FAM177B: variants seen among roughly 807,000 people sequenced by gnomAD.
FAM177B encodes the protein protein FAM177B.
FAM177B carries 16 observed loss-of-function variants against 16.1 expected under a neutral mutation model. That is an observed-to-expected ratio of 0.99 (90% confidence interval 0.67 to 1.51). The LOEUF (loss-of-function observed/expected upper bound fraction) is 1.51. Ranked by LOEUF, FAM177B falls within the 40% of genes most tolerant of loss-of-function variation. The pLI is 0.00. For synonymous variants in FAM177B, 56 were observed against 59.9 expected (o/e 0.93, Z 0.30); for missense variants, 178 against 183.7 (o/e 0.97, Z 0.18).
intron 4 of FAM177B, among the ~76,000 whole-genome samples, chr1:222,748,276 G>C (rs1195831594): frequency 2.0e-5 from 3 of 152,170 alleles, no homozygotes; most frequent in East Asian, 1.9e-4. Context: ...AAGGCAAAAG[G>C]GTTTGAAAAG....
intron 2 of FAM177B, among the ~76,000 whole-genome samples, chr1:222,744,330 G>T (rs1483627981): frequency 6.6e-6 from 1 of 151,932 alleles, no homozygotes; most frequent in African/African-American, 2.4e-5. Context: ...AAGTTAGCCG[G>T]GGGTGGTGGT....
chr1:222,737,648 A>T (rs554487481), intron 1 of FAM177B, among the ~76,000 whole-genome samples: 1 of 152,234 alleles, frequency 6.6e-6, no homozygotes, highest in African/African-American at 2.4e-5. Flanking sequence ...GTAGGCCATT[A>T]TGAGGAGTTT....
intron 3 of FAM177B, 44 bp from the exon 4 acceptor site, chr1:222,746,971 A>T: frequency 7.9e-7 from 1 of 1,265,112 alleles, no homozygotes; most frequent in South Asian, 1.2e-5. Context: ...TGCAGTCACC[A>T]TTCCTCTTAT....
intron 2 of FAM177B, among the ~76,000 whole-genome samples, chr1:222,746,214 T>C (rs531808582): frequency 1.3e-5 from 2 of 152,376 alleles, no homozygotes; most frequent in East Asian, 3.9e-4. Context: ...CTTCTCAATA[T>C]TTATTGAAAT....
chr1:222,741,107 G>A lies in FAM177B; in HGVS notation c.-16+3086G>A, dbSNP rs541889810. 3.7e-4 allele frequency among the ~76,000 whole-genome samples: 45 copies of A among 123,094 alleles called. 1 individual carries two copies. The South Asian group carries it at 0.011, about 31-fold the overall frequency. 80.8% of individuals were successfully genotyped at this position (123,094 alleles called of 152,430 possible). On this transcript the variant is annotated intron_variant, in intron 2 of 5. Transcript: ENST00000445590. ...ACAGTCTTAATCTGTCACCCAGGCTGGAGGGCAGTGGTGCAATCTCAACTC... is the reference window on the plus strand; with the variant it reads ...ACAGTCTTAATCTGTCACCCAGGCTAGAGGGCAGTGGTGCAATCTCAACTC...
At chr1:222,749,256 A>G (rs1413254330) in intron 4 of FAM177B, 1 of 526,152 alleles carries the variant, frequency 1.9e-6, no homozygotes, top group Non-Finnish European at 3.4e-6. Context: ...ATAATCCCAT[A>G]TAAAGATAGA....
chr1:222,742,902 GC>G (rs547963223), intron 2 of FAM177B, among the ~76,000 whole-genome samples: 15 of 151,818 alleles, frequency 9.9e-5, no homozygotes, highest in Non-Finnish European at 2.1e-4. Context: ...TTAGTTTGGG[GC>G]AAAAGTAATT....
At chr1:222,743,031 G>T (rs1020886102) in intron 2 of FAM177B, among the ~76,000 whole-genome samples, 16 of 152,084 alleles carry the variant, frequency 1.1e-4, no homozygotes, top group Admixed American at 3.9e-4. Flanking sequence ...CTCAGGTGAG[G>T]ACTCTCCCAG....
chr1:222,739,969 G>A (rs956033627), intron 2 of FAM177B: 3 of 152,140 alleles, frequency 2.0e-5, no homozygotes, highest in Non-Finnish European at 4.4e-5. Context: ...AAATTAAAAT[G>A]GGTATTTTTT....
chr1:222,748,609 A>G (rs1009746228), intron 4 of FAM177B, among the ~76,000 whole-genome samples: 15 of 152,356 alleles, frequency 9.8e-5, no homozygotes, highest in African/African-American at 2.9e-4. Context: ...TTTTCAATTT[A>G]AAATTCTAGT....
rs1393549194 is a variant in FAM177B, at chr1:222,749,393, T to C, written c.242-72T>C. ...ACTATACTATCAGAATAGTTTAAAC[T>C]CTGGGCATCTCAACTGATGCGAAGC... is the stretch of plus-strand genomic sequence containing the variant. On this transcript the variant is annotated intron_variant, in intron 4 of 5. Coordinates refer to ENST00000445590, the MANE Select transcript of FAM177B (RefSeq NM_001394345.1). 2 of 820,632 alleles carry C rather than the reference T, an allele frequency of 2.4e-6. 1 individual carries two copies. Among genetic ancestry groups the C allele is most frequent in the South Asian group, 3.2e-5 (2 of 62,188 alleles). The allele number at this position is 820,632 out of a possible 1,614,324, so 50.8% of individuals were successfully genotyped here. A position where few individuals can be genotyped will look rare whatever the true frequency, so the allele number is the denominator to read the frequency against.
rs190168272 is a variant in FAM177B at position 222,746,926 on chromosome 1, T to C, written c.175-89T>C. 606 of 994,502 alleles carry C rather than the reference T, an allele frequency of 6.1e-4. 2 individuals are homozygous for C. In the African/African-American group the frequency reaches 7.5e-3, roughly 12 times the overall value. 61.6% of individuals were successfully genotyped at this position (994,502 alleles called of 1,614,324 possible). ...GAGAGAGAAAATGGAACATATTATATAGAGCATTTTGAAATCTCTACATTA... is the reference window on the plus strand; with the variant it reads ...GAGAGAGAAAATGGAACATATTATACAGAGCATTTTGAAATCTCTACATTA... On this transcript the variant is annotated intron_variant, in intron 3 of 5. Coordinates refer to ENST00000445590, the MANE Select transcript of FAM177B (RefSeq NM_001394345.1).
chr1:222,743,206 G>A (rs567720312), intron 2 of FAM177B, among the ~76,000 whole-genome samples: 2 of 152,156 alleles, frequency 1.3e-5, no homozygotes, highest in Non-Finnish European at 2.9e-5. Context: ...GGAGTGCAAT[G>A]GCATGATCTC....
At chr1:222,742,305 T>C (rs1193113234) in intron 2 of FAM177B, among the ~76,000 whole-genome samples, 1 of 152,214 alleles carries the variant, frequency 6.6e-6, no homozygotes, top group East Asian at 1.9e-4. Context: ...AACTTTATTG[T>C]ACACTTCATT....
At chr1:222,745,907 A>T (rs1658774904) in intron 2 of FAM177B, among the ~76,000 whole-genome samples, 1 of 152,198 alleles carries the variant, frequency 6.6e-6, no homozygotes, top group South Asian at 2.1e-4. Context: ...AGAGCAAAAA[A>T]GTCTGTTTCA....
At chr1:222,746,975 C>A in intron 3 of FAM177B, 40 bp from the exon 4 acceptor site, 1 of 1,328,822 alleles carries the variant, frequency 7.5e-7, no homozygotes, top group Non-Finnish European at 1.1e-6. Context: ...GTCACCATTC[C>A]TCTTATTAAC....
intron 2 of FAM177B, among the ~76,000 whole-genome samples, chr1:222,743,303 A>G (rs955005917): frequency 1.3e-5 from 2 of 150,908 alleles, no homozygotes; most frequent in African/African-American, 4.9e-5. Flanking sequence ...TCTTGCCACC[A>G]TGCCTGGCTA....
chr1:222,748,650 T>C (rs1410224378), intron 4 of FAM177B, among the ~76,000 whole-genome samples: 1 of 152,224 alleles, frequency 6.6e-6, no homozygotes, highest in Non-Finnish European at 1.5e-5. Flanking sequence ...TCCTAAGATT[T>C]ATTTTAATAT....
chr1:222,749,628 C>A, intron 5 of FAM177B, 66 bp downstream of exon 5: 2 of 972,980 alleles, frequency 2.1e-6, no homozygotes, highest in Admixed American at 2.1e-5. Flanking sequence ...AAATTTAGGC[C>A]AGTATAGAGA....
Sources: gnomAD v4.1 joint callset for allele counts (sites outside exome capture counted in the v4.1 genomes callset) on GRCh38, gnomAD v4.1.1 for gene constraint, MANE v1.5 for transcripts, NCBI Gene and HGNC (gene_info 2026-07-23, HGNC 2026-07-21) for gene names.